Variants in MED17 observed in about 807,000 individuals in gnomAD.
MED17 encodes mediator of RNA polymerase II transcription subunit 17.
In MED17, 49 loss-of-function variants were observed where a neutral mutation model predicts 80.8. The observed-to-expected ratio is 0.61, with a 90% CI of 0.48 to 0.77. The LOEUF (loss-of-function observed/expected upper bound fraction) is 0.77, where lower values mean the gene tolerates loss of function less well. Among genes scored for constraint, MED17 ranks in the 30% least tolerant of loss-of-function variants. The probability of loss-of-function intolerance (pLI) is 0.00; values close to 1 mark genes in which losing one functional copy is unlikely to be tolerated. For synonymous variants in MED17, 281 were observed against 280.4 expected (o/e 1.00, Z -0.02); for missense variants, 718 against 787.0 (o/e 0.91, Z 1.05).
chr11:93,786,908 G>C (rs1943776274), intron 1 of MED17, among the ~76,000 whole-genome samples: 3 of 152,120 alleles, frequency 2.0e-5, no homozygotes, highest in Admixed American at 2.0e-4. Flanking sequence ...TTTACTTGTT[G>C]GAAGCAATCT....
Position 93,784,348 on chromosome 11 carries a change from G to T in MED17, c.-166G>T, listed in dbSNP as rs1943744347. 2.2e-6 allele frequency: 2 copies of T among 904,796 alleles called. No homozygotes were observed. The highest frequency in any genetic ancestry group is 3.2e-6 in the Non-Finnish European group (2 of 620,780). 56.0% of individuals were successfully genotyped at this position (904,796 alleles called of 1,614,324 possible). On this transcript the variant is annotated 5_prime_UTR_variant, in exon 1 of 12. Transcript: ENST00000251871. ...GCGTTCTGGGAAAGTTGCTGGGCCA[G>T]CTCCTTTGTTTCCAGTCTGAGCGTT...
At position 93,788,026 on chromosome 11, in the gene MED17, T is replaced by G; in HGVS notation, c.276T>G (p.Leu92=). The G allele has an allele frequency of 6.2e-7, 1 of 1,614,010 alleles. No individual in the cohort carries two copies. The highest frequency in any genetic ancestry group is 2.2e-5 in the East Asian group (1 of 44,850). Residue 92 remains leucine (L), a synonymous_variant, in exon 2 of 12, where the codon CTT becomes CTG. Coordinates refer to ENST00000251871, the MANE Select transcript of MED17 (RefSeq NM_004268.5). The part of the protein sequence containing the change: ...EEGVVKFQPS[L]WPWDSVRNNL... ...GAGTGGTAAAATTTCAGCCTTCCCT[T>G]TGGCCTTGGGACTCAGTGAGGAACA...
In MED17 at chr11:93,805,028, T is replaced by C. The variant is rs544060300; in HGVS notation, c.1467-2490T>C. Among the ~76,000 whole-genome samples the C allele has an allele frequency of 2.6e-5, 4 of 152,378 alleles. No individual in the cohort carries two copies. In the East Asian group the frequency reaches 7.7e-4, roughly 29 times the overall value. ...CATTCTTCTCAGTTAAAATTATTCA[T>C]GTGGCCATAAGGTCCAGAAATGCAG... On this transcript the variant is annotated intron_variant, in intron 9 of 11. Coordinates refer to ENST00000251871, the MANE Select transcript of MED17 (RefSeq NM_004268.5).
At position 93,807,567 on chromosome 11, in the gene MED17, C is replaced by T. The variant is rs749506103; in HGVS notation, c.1516C>T (p.His506Tyr). 11 of 1,613,376 alleles carry T rather than the reference C, an allele frequency of 6.8e-6. No individual in the cohort carries two copies. The Admixed American group carries it at 1.8e-4, about 27-fold the overall frequency. Residue 506 changes from histidine to tyrosine, a missense_variant, in exon 10 of 12, where the codon CAT (histidine) becomes TAT (tyrosine). Transcript: ENST00000251871. ...NIGVEQIRVVHRDGRVITLSY... is the reference protein window; with the variant it reads ...NIGVEQIRVVYRDGRVITLSY... ...TGGAGTTGAGCAGATTCGAGTTGTACATAGAGATGGAAGAGTAATTACACT... is the reference window on the plus strand; with the variant it reads ...TGGAGTTGAGCAGATTCGAGTTGTATATAGAGATGGAAGAGTAATTACACT...
rs761063422 is a variant in MED17 at position 93,793,857 on chromosome 11, A to G, written c.767A>G (p.Tyr256Cys). 4.6e-5 allele frequency: 75 copies of G among 1,613,432 alleles called. No homozygotes were observed. Among genetic ancestry groups the G allele is most frequent in the Non-Finnish European group, 6.0e-5 (71 of 1,179,540 alleles). ...QIPSDLEGSA[Y>C]IKVSIQKQAP... ...CCTAGTGATTTAGAGGGGTCTGCAT[A>G]TATCAAGGTATTTGTCAAAATATTT... Residue 256 changes from tyrosine (Y) to cysteine (C), a missense_variant, in exon 4 of 12, where the codon TAT (tyrosine) becomes TGT (cysteine). Physicochemically the swap from Tyr to Cys is radical, Grantham distance 194. Coordinates refer to ENST00000251871, the MANE Select transcript of MED17 (RefSeq NM_004268.5).
At chr11:93,791,818 GC>G (rs1430563373) in intron 3 of MED17, among the ~76,000 whole-genome samples, 8 of 152,096 alleles carry the variant, frequency 5.3e-5, no homozygotes, top group Non-Finnish European at 1.2e-4. Context: ...TCTATTCTTT[GC>G]CCTTTCTTTT....
chr11:93,808,947 C>T (rs1156662029), intron 10 of MED17: 1 of 152,926 alleles, frequency 6.5e-6, no homozygotes, highest in Non-Finnish European at 1.5e-5. Flanking sequence ...CTAAATTGCC[C>T]CCATTGTATC....
intron 5 of MED17, 114 bp from the exon 6 acceptor site, chr11:93,794,794 A>G: frequency 1.8e-6 from 2 of 1,131,740 alleles, no homozygotes; most frequent in Non-Finnish European, 2.6e-6. Flanking sequence ...AAAAAAGAAT[A>G]TACCGTAATG....
intron 8 of MED17, among the ~76,000 whole-genome samples, chr11:93,799,864 A>AGT (rs140307664): frequency 1.3e-4 from 20 of 151,986 alleles, no homozygotes; most frequent in South Asian, 2.1e-4. Flanking sequence ...TATGTGTCAG[A>AGT]GTGTGTGTGT....
At position 93,811,865 on chromosome 11, in the gene MED17, C is replaced by T; in HGVS notation, c.1757C>T (p.Pro586Leu). ...TTTTTCTCCACAGTTCGTAATGGAC[C>T]TGAAAGTGGCAGCAAGATTATGGTT... ...GDYAISVRNGPESGSKIMVQF... is the reference protein window; with the variant it reads ...GDYAISVRNGLESGSKIMVQF... Residue 586 changes from proline to leucine, a missense_variant, in exon 12 of 12, where the codon CCT becomes CTT. By Grantham distance (98) the Pro-to-Leu change is moderately conservative. Transcript: ENST00000251871. The T allele has an allele frequency of 6.2e-7, 1 of 1,613,982 alleles. No individual in the cohort carries two copies. The highest frequency in any genetic ancestry group is 8.5e-7 in the Non-Finnish European group (1 of 1,179,974).
chr11:93,804,968 A>G (rs745961492), intron 9 of MED17, among the ~76,000 whole-genome samples: 17 of 152,250 alleles, frequency 1.1e-4, no homozygotes, highest in Non-Finnish European at 1.8e-4. Context: ...TATGTGGACT[A>G]TTTTAATAAG....
chr11:93,801,728 TA>T, intron 8 of MED17, 106 bp from the exon 9 acceptor site: 1 of 1,113,784 alleles, frequency 9.0e-7, no homozygotes, highest in Non-Finnish European at 1.3e-6. Flanking sequence ...AGTGGTAGTT[TA>T]AAAAAGTAGT....
chr11:93,802,179 T>A (rs1336408357), intron 9 of MED17, among the ~76,000 whole-genome samples: 1 of 152,126 alleles, frequency 6.6e-6, no homozygotes, highest in African/African-American at 2.4e-5. Flanking sequence ...CATATCTGAC[T>A]ACAGCCTTGA....
At chr11:93,801,585 C>T (rs951189100) in intron 8 of MED17, 5 of 466,028 alleles carry the variant, frequency 1.1e-5, no homozygotes, top group African/African-American at 9.8e-5. Context: ...GGAATAAACC[C>T]ATCATGAATC....
intron 10 of MED17, chr11:93,809,126 A>T (rs1454822515): frequency 6.1e-6 from 1 of 162,692 alleles, no homozygotes; most frequent in African/African-American, 2.4e-5. Flanking sequence ...TCCTAGGCCA[A>T]AGTTAAGAGG....
At chr11:93,808,830 C>T (rs1944056830) in intron 10 of MED17, 1 of 152,222 alleles carries the variant, frequency 6.6e-6, no homozygotes, top group Admixed American at 6.5e-5. Context: ...GAGAACAAGG[C>T]TTGCAAATGG....
chr11:93,788,345 A>G, intron 2 of MED17, 178 bp downstream of exon 2: 4 of 578,498 alleles, frequency 6.9e-6, no homozygotes, highest in South Asian at 4.1e-5. Flanking sequence ...TTTTTTTATT[A>G]TATACCTATG....
intron 9 of MED17, among the ~76,000 whole-genome samples, chr11:93,804,871 G>A (rs1944007862): frequency 6.6e-6 from 1 of 152,166 alleles, no homozygotes. Flanking sequence ...TTCAACTTAT[G>A]CAGGTAGGCT....
Position 93,784,705 on chromosome 11 carries a change from G to A in MED17, c.192G>A (p.Glu64=). Residue 64 remains glutamate (E), a synonymous_variant, in exon 1 of 12, where the codon GAG becomes GAA. Coordinates refer to ENST00000251871, the MANE Select transcript of MED17 (RefSeq NM_004268.5). ...GSEEEEAAGT[E]GDAQEWPGAG... ...AGGAGGAGGAGGCGGCGGGGACCGA[G>A]GGCGACGCGCAGGAGTGGCCGGGCG... The A allele has an allele frequency of 6.4e-7, 1 of 1,551,726 alleles. No homozygotes were observed. Among genetic ancestry groups the A allele is most frequent in the African/African-American group, 1.4e-5 (1 of 73,790 alleles).
Sources: allele counts gnomAD v4.1 joint callset (sites outside exome capture counted in the v4.1 genomes callset), GRCh38; gene constraint gnomAD v4.1.1; transcripts MANE v1.5; gene names NCBI Gene and HGNC (gene_info 2026-07-23, HGNC 2026-07-21).